The following EML4 variants were observed in gnomAD, a reference collection of about 807,000 sequenced individuals.
EML4 encodes the protein EMAP like 4, also known as echinoderm microtubule-associated protein-like 4.
A neutral mutation model predicts 129.0 loss-of-function variants in EML4; 72 were observed. That is an observed-to-expected ratio of 0.56 (90% CI 0.46 to 0.68). The LOEUF is 0.68. Among genes scored for constraint, EML4 ranks in the 30% least tolerant of loss-of-function variants. EML4 has a pLI of 0.00. For synonymous variants in EML4, 532 were observed against 405.0 expected, an observed-to-expected ratio of 1.31 and a Z score of -3.77; for missense variants, 1,363 against 1,190.6, an observed-to-expected ratio of 1.14 and a Z score of -2.13.
At chr2:42,259,936 T>G (rs2104376439) in intron 3 of EML4, among the ~76,000 whole-genome samples, 1 of 152,042 alleles carries the variant, frequency 6.6e-6, no homozygotes, top group East Asian at 1.9e-4. Flanking sequence ...TTCACCATGT[T>G]AGGCAGGATG....
intron 19 of EML4, among the ~76,000 whole-genome samples, chr2:42,319,209 TTAG>T (rs1669397957): frequency 6.6e-6 from 1 of 152,180 alleles, no homozygotes; most frequent in African/African-American, 2.4e-5. Context: ...CTACTAACTC[TTAG>T]TAGAGCCGAC....
At chr2:42,172,823 A>C (rs1433048233) in intron 1 of EML4, among the ~76,000 whole-genome samples, 1 of 152,148 alleles carries the variant, frequency 6.6e-6, no homozygotes, top group Non-Finnish European at 1.5e-5. Context: ...CCGATTTTTT[A>C]TAAGGCAGGG....
chr2:42,211,674 A>G (rs1672893864), intron 1 of EML4, among the ~76,000 whole-genome samples: 1 of 152,094 alleles, frequency 6.6e-6, no homozygotes, highest in African/African-American at 2.4e-5. Flanking sequence ...TTTCTTATTG[A>G]AACAGTGACA....
intron 1 of EML4, chr2:42,207,830 G>T (rs1255737224): frequency 6.6e-6 from 1 of 152,148 alleles, no homozygotes; most frequent in Admixed American, 6.5e-5. Context: ...CTTCACTGAT[G>T]AATAATTGAT....
rs189119361 is a variant in EML4, at chr2:42,201,261, C to T, written c.25+31625C>T. The stretch of plus-strand genomic sequence containing the variant: ...TCTGTATCAGAATCTGTTTGATGTA[C>T]TTTATGTGTATTGGCTCATTTAATC... On this transcript the variant is annotated intron_variant, in intron 1 of 22. Transcript: ENST00000318522. Among the ~76,000 whole-genome samples, 364 of 152,220 alleles carry T rather than the reference C, an allele frequency of 2.4e-3. 2 individuals carry two copies. The highest frequency in any genetic ancestry group is 3.4e-3 in the Middle Eastern group (1 of 294).
chr2:42,193,919 A>G (rs577618593), intron 1 of EML4, among the ~76,000 whole-genome samples: 6 of 152,164 alleles, frequency 3.9e-5, no homozygotes, highest in Admixed American at 2.6e-4. Context: ...TCCTGGGCTC[A>G]AGTGATCCTC....
At chr2:42,270,642 C>G (rs980027273) in intron 6 of EML4, among the ~76,000 whole-genome samples, 3 of 152,200 alleles carry the variant, frequency 2.0e-5, no homozygotes, top group African/African-American at 4.8e-5. Flanking sequence ...GTCCTGCTGA[C>G]TCTGTATATT....
chr2:42,188,946 A>G (rs1671425044), intron 1 of EML4, among the ~76,000 whole-genome samples: 1 of 152,162 alleles, frequency 6.6e-6, no homozygotes, highest in Non-Finnish European at 1.5e-5. Flanking sequence ...TCCCAGGTAA[A>G]AATAGACATA....
chr2:42,207,178 T>G (rs547711584), intron 1 of EML4, among the ~76,000 whole-genome samples: 40 of 152,322 alleles, frequency 2.6e-4, no homozygotes, highest in Non-Finnish European at 5.3e-4. Context: ...CTCCTCTATT[T>G]GATATTATCA....
chr2:42,222,868 G>A (rs1269161196), intron 1 of EML4, among the ~76,000 whole-genome samples: 4 of 151,898 alleles, frequency 2.6e-5, no homozygotes, highest in Non-Finnish European at 2.9e-5. Flanking sequence ...GTGCAATCTC[G>A]GCTCACTGCA....
chr2:42,209,955 C>CA (rs1207769658), intron 1 of EML4, among the ~76,000 whole-genome samples: 1 of 151,778 alleles, frequency 6.6e-6, no homozygotes, highest in African/African-American at 2.4e-5. Flanking sequence ...AACAAACAAA[C>CA]AAACAAAAAA....
intron 1 of EML4, among the ~76,000 whole-genome samples, chr2:42,218,190 G>C (rs567955317): frequency 1.3e-5 from 2 of 152,076 alleles, no homozygotes; most frequent in South Asian, 4.2e-4. Context: ...ATTTTCATAG[G>C]AATGCAAACC....
intron 6 of EML4, among the ~76,000 whole-genome samples, chr2:42,278,056 G>T (rs182002132): frequency 1.3e-5 from 2 of 152,278 alleles, no homozygotes; most frequent in East Asian, 1.9e-4. Context: ...CACATTTTCA[G>T]TCTGGTTCTA....
At chr2:42,274,238 G>C (rs1666530877) in intron 6 of EML4, among the ~76,000 whole-genome samples, 1 of 152,048 alleles carries the variant, frequency 6.6e-6, no homozygotes, top group Non-Finnish European at 1.5e-5. Context: ...TCCAGTTTGG[G>C]GGAGGCTTTT....
intron 6 of EML4, among the ~76,000 whole-genome samples, chr2:42,266,677 G>A (rs547108795): frequency 3.3e-5 from 5 of 151,224 alleles, no homozygotes; most frequent in African/African-American, 7.3e-5. Context: ...AAATAGAGTC[G>A]GCGGTATGTG....
At chr2:42,178,481 C>G (rs1449942978) in intron 1 of EML4, among the ~76,000 whole-genome samples, 1 of 152,018 alleles carries the variant, frequency 6.6e-6, no homozygotes, top group African/African-American at 2.4e-5. Flanking sequence ...GAGGTGGAGG[C>G]TGCAGTGAGC....
intron 6 of EML4, among the ~76,000 whole-genome samples, chr2:42,274,290 C>A (rs1440918444): frequency 6.6e-6 from 1 of 152,058 alleles, no homozygotes; most frequent in Non-Finnish European, 1.5e-5. Context: ...AAATGGATTC[C>A]TAAAATGGAA....
chr2:42,266,252 TC>T (rs1221758661), intron 6 of EML4, among the ~76,000 whole-genome samples: 1 of 152,226 alleles, frequency 6.6e-6, no homozygotes, highest in Non-Finnish European at 1.5e-5. Context: ...TCTTACTTTC[TC>T]CCTTCTTTAT....
chr2:42,197,795 A>C (rs1671981657), intron 1 of EML4, among the ~76,000 whole-genome samples: 1 of 152,218 alleles, frequency 6.6e-6, no homozygotes, highest in African/African-American at 2.4e-5. Flanking sequence ...CTATTGACAA[A>C]GATTACAGTT....
Sources: gnomAD v4.1 joint callset for allele counts (sites outside exome capture counted in the v4.1 genomes callset) on GRCh38, gnomAD v4.1.1 for gene constraint, MANE v1.5 for transcripts, NCBI Gene and HGNC (gene_info 2026-07-23, HGNC 2026-07-21) for gene names.